The following ZNF723 variants were observed in gnomAD, a reference collection of about 807,000 sequenced individuals.
ZNF723 encodes the protein zinc finger protein 723.
ZNF723 carries 5 observed loss-of-function variants against 9.4 expected under a neutral mutation model. The observed-to-expected ratio is 0.53, with a 90% CI of 0.28 to 1.12. The LOEUF (loss-of-function observed/expected upper bound fraction) is 1.12, where lower values mean the gene tolerates loss of function less well. Ranked by LOEUF, ZNF723 falls within the 50% of genes most tolerant of loss-of-function variation. The pLI is 0.10. For missense variants in ZNF723, 450 were observed against 501.5 expected (o/e 0.90, Z 0.98); for synonymous variants, 158 against 168.8 (o/e 0.94, Z 0.49).
At position 22,858,338 on chromosome 19, in the gene ZNF723, T is replaced by C; in HGVS notation, c.1447T>C (p.Cys483Arg). The C allele has an allele frequency of 9.3e-7, 1 of 1,070,646 alleles. No individual in the cohort carries two copies. Among genetic ancestry groups the C allele is most frequent in the Non-Finnish European group, 1.4e-6 (1 of 699,330 alleles). The allele number at this position is 1,070,646 out of a possible 1,614,324, so 66.3% of individuals were successfully genotyped here. A position where few individuals can be genotyped will look rare whatever the true frequency, so the allele number is the denominator to read the frequency against. The change falls in exon 4 of 4, where the codon TGT becomes CGT. Residue 483 changes from cysteine to arginine, a missense_variant. Physicochemically the swap from Cys to Arg is radical, Grantham distance 180. Coordinates refer to ENST00000600766, the MANE Select transcript of ZNF723 (RefSeq NM_001349726.2). ...IIHAREKPYK[C>R]EECGKAFNKS... ...TCATGCTAGAGAGAAGCCTTACAAA[T>C]GTGAAGAATGTGGCAAAGCCTTTAA...
Position 22,849,309 on chromosome 19 carries a change from A to G in ZNF723, c.226+16A>G. The G allele has an allele frequency of 1.8e-6, 1 of 554,352 alleles. No homozygotes were observed. Among genetic ancestry groups the G allele is most frequent in the Non-Finnish European group, 3.3e-6 (1 of 306,754 alleles). The allele number at this position is 554,352 out of a possible 1,614,324, so 34.3% of individuals were successfully genotyped here. A position where few individuals can be genotyped will look rare whatever the true frequency, so the allele number is the denominator to read the frequency against. On this transcript the variant is annotated intron_variant, in intron 3 of 3. Coordinates refer to ENST00000600766, the MANE Select transcript of ZNF723 (RefSeq NM_001349726.2). ...AAGCCCCCAGGTAGGTGGAGAGTGA[A>G]CACAATGGACAACACAGATAAGACG...
chr19:22,835,322 G>T (rs949343504), intron 1 of ZNF723, among the ~76,000 whole-genome samples: 2 of 151,732 alleles, frequency 1.3e-5, no homozygotes, highest in East Asian at 3.9e-4. Flanking sequence ...GATTACAGGC[G>T]TGAGCCACCA....
At chr19:22,830,455 G>A (rs111279246), upstream of ZNF723, among the ~76,000 whole-genome samples, 1,325 of 152,104 alleles carry the variant, frequency 8.7e-3, 21 homozygotes, top group African/African-American at 0.03. Flanking sequence ...AGTGTGAGGC[G>A]CCGTGTGCTT....
rs542412957 is a variant in ZNF723 at position 22,836,654 on chromosome 19, C to G, written c.3+4272C>G. On this transcript the variant is annotated intron_variant, in intron 1 of 3. Transcript: ENST00000600766. Reference sequence around the variant, plus strand: ...CTGAGAATAGCTCAAAGTTCAGGAGCTGTGGGAAGAAGATAAACTTAAGTG... The same window carrying G: ...CTGAGAATAGCTCAAAGTTCAGGAGGTGTGGGAAGAAGATAAACTTAAGTG... 3.9e-5 allele frequency among the ~76,000 whole-genome samples: 6 copies of G among 152,238 alleles called. No individual in the cohort carries two copies. In the South Asian group the frequency reaches 1.2e-3, roughly 32 times the overall value.
chr19:22,848,782 A>T (rs1967350445), intron 2 of ZNF723, among the ~76,000 whole-genome samples: 2 of 149,260 alleles, frequency 1.3e-5, no homozygotes, highest in Non-Finnish European at 3.0e-5. Flanking sequence ...TATGAGATGG[A>T]ATGTTGCTGT....
At chr19:22,838,164 C>G (rs1967191523) in intron 1 of ZNF723, among the ~76,000 whole-genome samples, 1 of 152,104 alleles carries the variant, frequency 6.6e-6, no homozygotes, top group Non-Finnish European at 1.5e-5. Flanking sequence ...TTTTAATCTT[C>G]TTTGTTCTCC....
chr19:22,831,183 A>T (rs1967089281), upstream of ZNF723, among the ~76,000 whole-genome samples: 1 of 152,232 alleles, frequency 6.6e-6, no homozygotes, highest in African/African-American at 2.4e-5. Flanking sequence ...TTTGCTCAGG[A>T]CAGTAGAAAC....
At chr19:22,816,514 C>T in the ZNF723 span, among the ~76,000 whole-genome samples, 22 of 152,174 alleles carry the variant, frequency 1.4e-4, no homozygotes, top group Non-Finnish European at 3.1e-4. Flanking sequence ...GGAGGTGGCG[C>T]CTCTTATACC....
At chr19:22,840,753 G>A (rs1346930739) in intron 1 of ZNF723, 2 of 152,142 alleles carry the variant, frequency 1.3e-5, no homozygotes, top group Non-Finnish European at 2.9e-5. Context: ...GCTGTCACAG[G>A]GAGAACTTAG....
At chr19:22,827,053 C>T in the ZNF723 span, among the ~76,000 whole-genome samples, 2 of 152,182 alleles carry the variant, frequency 1.3e-5, no homozygotes, top group Non-Finnish European at 2.9e-5. Context: ...TTTGTTAGAT[C>T]ATTTTTTCCA....
intron 3 of ZNF723, among the ~76,000 whole-genome samples, chr19:22,853,509 CTAT>C (rs1240863876): frequency 2.6e-5 from 4 of 151,932 alleles, no homozygotes; most frequent in Non-Finnish European, 5.9e-5. Flanking sequence ...AGGTTTTTTT[CTAT>C]TATTGTTTTA....
At chr19:22,816,616 A>G in the ZNF723 span, among the ~76,000 whole-genome samples, 1 of 152,204 alleles carries the variant, frequency 6.6e-6, no homozygotes, top group Non-Finnish European at 1.5e-5. Context: ...ACTTGAGCAG[A>G]TTTACTGTCC....
chr19:22,825,030 C>T, the ZNF723 span, among the ~76,000 whole-genome samples: 6 of 152,244 alleles, frequency 3.9e-5, no homozygotes, highest in East Asian at 5.8e-4. Flanking sequence ...GTACCAATCA[C>T]GGAGGTGACA....
chr19:22,857,311 C>T lies in ZNF723; in HGVS notation c.420C>T (p.Thr140=). 1 of 819,628 alleles carries T rather than the reference C, an allele frequency of 1.2e-6. No homozygotes were observed. Among genetic ancestry groups the T allele is most frequent in the African/African-American group, 1.7e-5 (1 of 59,724 alleles). The allele number at this position is 819,628 out of a possible 1,614,324, so 50.8% of individuals were successfully genotyped here. Reference sequence around the variant, plus strand: ...AACTTAAGCAATGTTTGACAACTACCCCGAGCAAAATATTTCAATGTGATA... The same window carrying T: ...AACTTAAGCAATGTTTGACAACTACTCCGAGCAAAATATTTCAATGTGATA... ...YDELKQCLTT[T]PSKIFQCDKY... is the part of the protein sequence containing the mutation. The change falls in exon 4 of 4, where the codon ACC becomes ACT. Residue 140 remains threonine (T), a synonymous_variant. Transcript: ENST00000600766.
At chr19:22,856,020 C>T (rs1310001355) in intron 3 of ZNF723, among the ~76,000 whole-genome samples, 3 of 152,056 alleles carry the variant, frequency 2.0e-5, no homozygotes, top group Admixed American at 1.3e-4. Context: ...AGTGCAATGG[C>T]GTGGTCTTGG....
intron 1 of ZNF723, among the ~76,000 whole-genome samples, chr19:22,838,526 C>T (rs527389280): frequency 4.0e-5 from 6 of 151,266 alleles, no homozygotes; most frequent in Admixed American, 1.3e-4. Flanking sequence ...CATTCCAGCC[C>T]GGTCGACAAA....
intron 1 of ZNF723, among the ~76,000 whole-genome samples, chr19:22,839,460 T>G (rs937916908): frequency 2.1e-5 from 3 of 142,990 alleles, no homozygotes; most frequent in African/African-American, 8.1e-5. Context: ...AGCATGTTTT[T>G]TTTTGGTTTT....
At chr19:22,817,800 T>C in the ZNF723 span, among the ~76,000 whole-genome samples, 12 of 152,146 alleles carry the variant, frequency 7.9e-5, no homozygotes, top group African/African-American at 2.7e-4. Context: ...CTCTTCTTTA[T>C]ACAAAGGTTG....
At chr19:22,839,421 AAGT>A (rs1227500607) in intron 1 of ZNF723, among the ~76,000 whole-genome samples, 1 of 151,362 alleles carries the variant, frequency 6.6e-6, no homozygotes, top group African/African-American at 2.4e-5. Context: ...AGCAGCGTAT[AAGT>A]ACTCCTTTAT....
Sources: gnomAD v4.1 joint callset for allele counts (sites outside exome capture counted in the v4.1 genomes callset) on GRCh38, gnomAD v4.1.1 for gene constraint, MANE v1.5 for transcripts, NCBI Gene and HGNC (gene_info 2026-07-23, HGNC 2026-07-21) for gene names.